TOGARAM1: variants seen among roughly 807,000 people sequenced by gnomAD.
TOGARAM1 encodes TOG array regulator of axonemal microtubules protein 1.
A neutral mutation model predicts 166.6 loss-of-function variants in TOGARAM1; 100 were observed. The observed-to-expected ratio is 0.60, with a 90% CI of 0.51 to 0.71. The LOEUF (loss-of-function observed/expected upper bound fraction) is 0.71. Among genes scored for constraint, TOGARAM1 ranks in the 30% least tolerant of loss-of-function variants. TOGARAM1 has a pLI of 0.00. For missense variants in TOGARAM1, 2,029 were observed against 2,102.7 expected, an observed-to-expected ratio of 0.96 and a Z score of 0.69; for synonymous variants, 758 against 763.8, an observed-to-expected ratio of 0.99 and a Z score of 0.13.
In TOGARAM1 at chr14:45,054,438, G is replaced by T. The variant is rs141519534; in HGVS notation, c.4448G>T (p.Gly1483Val). The T allele has an allele frequency of 2.3e-4, 369 of 1,602,068 alleles. 1 individual carries two copies. The African/African-American group carries it at 4.4e-3, about 19-fold the overall frequency. Residue 1483 changes from glycine to valine, a missense_variant, in exon 16 of 20, where the codon GGG becomes GTG. Coordinates refer to ENST00000361462, the MANE Select transcript of TOGARAM1 (RefSeq NM_001308120.2). ...TTTTATATTTACTTGCAGGGTTTGG[G>T]GGAGATACCATTAGATACTCCTTCA... ...SVRNLQQKGLGEIPLDTPSAK... is the reference protein window; with the variant it reads ...SVRNLQQKGLVEIPLDTPSAK...
In TOGARAM1 at chr14:45,044,662, C is replaced by T. The variant is rs756332417; in HGVS notation, c.3946C>T (p.Arg1316Cys). Residue 1316 changes from arginine (R) to cysteine (C), a missense_variant, in exon 13 of 20, where the codon CGT becomes TGT. Around this residue, in one of 2 missense-constraint regions of TOGARAM1, gnomAD observed 576 missense variants for 670.5 expected, o/e 0.86. Transcript: ENST00000361462. ...GAAAAATTTACGTTCTGGAGTTTCT[C>T]GTGCTGCTGTGGTCTGTTTAAGTGA... ...EVKNLRSGVS[R>C]AAVVCLSDLF... The T allele has an allele frequency of 1.0e-5, 16 of 1,601,128 alleles. No individual in the cohort carries two copies. Among genetic ancestry groups the T allele is most frequent in the South Asian group, 2.3e-5 (2 of 87,756 alleles).
Position 44,973,795 on chromosome 14 carries a change from G to GT in TOGARAM1, c.2046+9338dup, listed in dbSNP as rs1401948480. 5.9e-3 allele frequency among the ~76,000 whole-genome samples: 863 copies of GT among 146,260 alleles called. 5 individuals carry two copies. Among genetic ancestry groups the GT allele is most frequent in the African/African-American group, 0.018 (740 of 40,108 alleles). On this transcript the variant is annotated intron_variant, in intron 1 of 19. Transcript: ENST00000361462. ...AGGGTATAGACTTCTAAATTGATGG[G>GT]TTTTTTTTTTCTCTCAATACTTTAA...
chr14:45,057,397 T>C (rs868036513), intron 16 of TOGARAM1, among the ~76,000 whole-genome samples: 23 of 152,082 alleles, frequency 1.5e-4, no homozygotes, highest in African/African-American at 5.6e-4. Context: ...TGAAGTGTGA[T>C]GTTAAGTTGT....
At chr14:45,013,300 C>A (rs1408122272) in intron 7 of TOGARAM1, among the ~76,000 whole-genome samples, 3 of 152,142 alleles carry the variant, frequency 2.0e-5, no homozygotes, top group African/African-American at 7.2e-5. Flanking sequence ...TGCACTGACA[C>A]CTTTTATAAT....
At chr14:45,033,531 T>TA (rs1323468819) in intron 11 of TOGARAM1, among the ~76,000 whole-genome samples, 1 of 152,148 alleles carries the variant, frequency 6.6e-6, no homozygotes, top group Non-Finnish European at 1.5e-5. Context: ...CTTTACTCAT[T>TA]AAAAAAATCT....
chr14:45,054,527 G>A lies in TOGARAM1; in HGVS notation c.4537G>A (p.Asp1513Asn). 6.2e-7 allele frequency: 1 copy of A among 1,611,468 alleles called. No individual in the cohort carries two copies. Among genetic ancestry groups the A allele is most frequent in the Non-Finnish European group, 8.5e-7 (1 of 1,178,190 alleles). Reference protein sequence around the residue: ...GNTRSSSVSRDAFNSAERAVT... With the variant: ...GNTRSSSVSRNAFNSAERAVT... Reference sequence around the variant, plus strand: ...TACAAGATCATCATCTGTTTCTAGAGATGCTTTCAATTCAGCTGAAAGGTA... The same window carrying A: ...TACAAGATCATCATCTGTTTCTAGAAATGCTTTCAATTCAGCTGAAAGGTA... Residue 1513 changes from aspartate to asparagine, a missense_variant, in exon 16 of 20, where the codon GAT (aspartate) becomes AAT (asparagine). Asp to Asn is a conservative substitution (Grantham distance 23, BLOSUM62 1). Around this residue, in one of 2 missense-constraint regions of TOGARAM1, gnomAD observed 576 missense variants for 670.5 expected, o/e 0.86. Transcript: ENST00000361462.
Position 44,963,145 on chromosome 14 carries a change from C to CT in TOGARAM1, c.726dup (p.Thr243TyrfsTer3). 6.2e-7 allele frequency: 1 copy of CT among 1,614,190 alleles called. No homozygotes were observed. ...CACAGCACTACTGCTTCCCATCTTG[C>CT]TTACTACTGAGGACTTGTTGCTTGG... On this transcript the variant is annotated frameshift_variant, in exon 1 of 20. Coordinates refer to ENST00000361462, the MANE Select transcript of TOGARAM1 (RefSeq NM_001308120.2). LOFTEE classifies it high-confidence loss of function.
chr14:45,032,670 C>G (rs532017560), intron 11 of TOGARAM1, among the ~76,000 whole-genome samples: 1 of 152,212 alleles, frequency 6.6e-6, no homozygotes, highest in South Asian at 2.1e-4. Flanking sequence ...CAAAGTATTT[C>G]TCTGTGAAAT....
chr14:44,976,212 A>G (rs1594611966), intron 1 of TOGARAM1, among the ~76,000 whole-genome samples: 1 of 152,164 alleles, frequency 6.6e-6, no homozygotes, highest in East Asian at 1.9e-4. Context: ...CTTTCCCCTT[A>G]CTGCTTCCAC....
In TOGARAM1 at chr14:45,029,757, G is replaced by A. The variant is rs1395743661; in HGVS notation, c.3658+1428G>A. ...GAAACTATTTTAACAATTTGACAAT[G>A]CCACAACACTTTTATTGTACTTTAT... On this transcript the variant is annotated intron_variant, in intron 10 of 19. Coordinates refer to ENST00000361462, the MANE Select transcript of TOGARAM1 (RefSeq NM_001308120.2). Among the ~76,000 whole-genome samples, 3 of 152,224 alleles carry A rather than the reference G, an allele frequency of 2.0e-5. No homozygotes were observed. In the East Asian group the frequency reaches 5.8e-4, roughly 29 times the overall value.
intron 11 of TOGARAM1, among the ~76,000 whole-genome samples, chr14:45,040,761 G>C (rs894220489): frequency 1.3e-5 from 2 of 152,302 alleles, no homozygotes; most frequent in South Asian, 2.1e-4. Flanking sequence ...ACTTGTGACC[G>C]GGCATGGTGG....
At chr14:45,046,404 C>G (rs1260792013) in intron 13 of TOGARAM1, 141 bp from the exon 14 acceptor site, 3 of 606,086 alleles carry the variant, frequency 4.9e-6, no homozygotes, top group East Asian at 3.5e-5. Flanking sequence ...TCACTGCATT[C>G]CAGCCTCAGT....
intron 11 of TOGARAM1, among the ~76,000 whole-genome samples, chr14:45,033,820 C>T (rs919138468): frequency 2.0e-5 from 3 of 152,058 alleles, no homozygotes; most frequent in Non-Finnish European, 2.9e-5. Context: ...ACTGTATTTG[C>T]CCTCATAACG....
At chr14:45,039,668 G>T (rs776851349) in intron 11 of TOGARAM1, among the ~76,000 whole-genome samples, 2 of 152,324 alleles carry the variant, frequency 1.3e-5, no homozygotes, top group South Asian at 4.1e-4. Flanking sequence ...AAAATTGGAG[G>T]TTGTGCTGAT....
In TOGARAM1 at chr14:45,055,239, G is replaced by A. The variant is rs574320031; in HGVS notation, c.4559+690G>A. Among the ~76,000 whole-genome samples, 115 of 152,294 alleles carry A rather than the reference G, an allele frequency of 7.6e-4. No homozygotes were observed. In the South Asian group the frequency reaches 7.9e-3, roughly 10 times the overall value. On this transcript the variant is annotated intron_variant, in intron 16 of 19. Transcript: ENST00000361462. ...CATTTAGTTGATTTTTATATAAGGT[G>A]AGAGATACTGTTTCATTCTGCATAT...
At chr14:45,001,302 A>G (rs1430365347) in intron 3 of TOGARAM1, among the ~76,000 whole-genome samples, 6 of 152,226 alleles carry the variant, frequency 3.9e-5, no homozygotes, top group Admixed American at 6.5e-5. Flanking sequence ...TAAAACTGCT[A>G]GAAGAAAACA....
intron 7 of TOGARAM1, among the ~76,000 whole-genome samples, chr14:45,015,708 T>A (rs1880093558): frequency 6.6e-6 from 1 of 152,138 alleles, no homozygotes; most frequent in Admixed American, 6.6e-5. Flanking sequence ...GGTACTATTA[T>A]CTCTATTTTA....
chr14:44,965,086 A>T (rs1885455750), intron 1 of TOGARAM1, among the ~76,000 whole-genome samples: 2 of 152,158 alleles, frequency 1.3e-5, no homozygotes, highest in South Asian at 4.1e-4. Context: ...GAATACCCAT[A>T]TACTTCATCT....
At chr14:44,964,500 G>A (rs774600729) in intron 1 of TOGARAM1, 33 bp downstream of exon 1, 1 of 1,513,130 alleles carries the variant, frequency 6.6e-7, no homozygotes, top group Middle Eastern at 1.8e-4. Flanking sequence ...AGTCGAAAGT[G>A]TGAAGAATTT....
Sources: gnomAD v4.1 joint callset for allele counts (sites outside exome capture counted in the v4.1 genomes callset) on GRCh38, gnomAD v4.1.1 for gene constraint, gnomAD v4.1.1 regional missense constraint, MANE v1.5 for transcripts, NCBI Gene and HGNC (gene_info 2026-07-23, HGNC 2026-07-21) for gene names.